The following BAIAP2L1 variants were observed in gnomAD, a reference collection of about 807,000 sequenced individuals.
BAIAP2L1 encodes the protein BAR/IMD domain containing adaptor protein 2 like 1.
A neutral mutation model predicts 66.3 loss-of-function variants in BAIAP2L1; 35 were observed. The observed-to-expected ratio is 0.53, with a 90% confidence interval of 0.40 to 0.70. The LOEUF (loss-of-function observed/expected upper bound fraction) is 0.70, where lower values mean the gene tolerates loss of function less well. Among genes scored for constraint, BAIAP2L1 ranks in the 30% least tolerant of loss-of-function variants. The pLI, the probability that BAIAP2L1 is intolerant of heterozygous loss-of-function variation, is 0.00. For synonymous variants in BAIAP2L1, 269 were observed against 248.7 expected (o/e 1.08, Z -0.77); for missense variants, 622 against 656.9 (o/e 0.95, Z 0.58).
rs554395266 is a variant in BAIAP2L1, at chr7:98,401,090, G to A, written c.-238C>T. 815 of 369,200 alleles carry A rather than the reference G, an allele frequency of 2.2e-3. 12 individuals are homozygous for A. The highest frequency in any genetic ancestry group is 0.016 in the African/African-American group (740 of 46,824). The allele number at this position is 369,200 out of a possible 1,614,324, so 22.9% of individuals were successfully genotyped here. On this transcript the variant is annotated 5_prime_UTR_variant, in exon 1 of 14. Transcript: ENST00000005260. ...GGAGAAGCGGCCGGACGCCGCCAGA[G>A]GAAGCTGGGCGGGCCGGGCGGCCCC...
intron 1 of BAIAP2L1, among the ~76,000 whole-genome samples, chr7:98,373,672 C>A (rs756467983): frequency 1.3e-5 from 2 of 152,346 alleles, no homozygotes; most frequent in Admixed American, 1.3e-4. Context: ...GAGTGCTTAT[C>A]ATGTACTCTG....
chr7:98,347,123 A>G (rs1184344042), intron 3 of BAIAP2L1, among the ~76,000 whole-genome samples: 2 of 152,212 alleles, frequency 1.3e-5, no homozygotes, highest in Non-Finnish European at 2.9e-5. Flanking sequence ...TTTGGCAAGG[A>G]GTATGGCAAT....
At chr7:98,325,633 G>A (rs763426090) in intron 3 of BAIAP2L1, among the ~76,000 whole-genome samples, 4 of 150,946 alleles carry the variant, frequency 2.6e-5, no homozygotes, top group South Asian at 4.2e-4. Flanking sequence ...AGCCAAGGTC[G>A]TGCTACTGCA....
intron 3 of BAIAP2L1, among the ~76,000 whole-genome samples, chr7:98,350,927 G>A (rs190248558): frequency 6.6e-6 from 1 of 152,180 alleles, no homozygotes; most frequent in Admixed American, 6.5e-5. Context: ...AGCGATCTTG[G>A]CTCACTGCAA....
chr7:98,294,256 G>T, intron 12 of BAIAP2L1, 145 bp from the exon 13 acceptor site: 1 of 768,696 alleles, frequency 1.3e-6, no homozygotes, highest in Non-Finnish European at 2.1e-6. Flanking sequence ...GCCTCCTAAT[G>T]TGCTGGGACT....
At chr7:98,363,255 G>C (rs1017777769) in intron 1 of BAIAP2L1, among the ~76,000 whole-genome samples, 3 of 151,742 alleles carry the variant, frequency 2.0e-5, no homozygotes, top group Non-Finnish European at 4.4e-5. Flanking sequence ...GGCTGGTCTC[G>C]AACTCCTGAC....
chr7:98,379,291 G>A (rs923779307), intron 1 of BAIAP2L1, among the ~76,000 whole-genome samples: 7 of 152,154 alleles, frequency 4.6e-5, no homozygotes, highest in Non-Finnish European at 1.0e-4. Context: ...TCTGACACCT[G>A]TATTTCATAA....
intron 1 of BAIAP2L1, among the ~76,000 whole-genome samples, chr7:98,389,560 A>T (rs1366054400): frequency 2.0e-5 from 3 of 151,964 alleles, no homozygotes; most frequent in African/African-American, 7.3e-5. Context: ...ACCTCAGGTG[A>T]TCCGCCCGTG....
intron 3 of BAIAP2L1, among the ~76,000 whole-genome samples, chr7:98,346,994 AAACAACAACAAC>A (rs71515213): frequency 6.2e-4 from 94 of 151,122 alleles, no homozygotes; most frequent in Non-Finnish European, 1.1e-3. Context: ...GATGCCAGCA[AAACAACAACAAC>A]AACAACAACA....
intron 1 of BAIAP2L1, among the ~76,000 whole-genome samples, chr7:98,379,934 T>G (rs574558755): frequency 2.0e-5 from 3 of 152,334 alleles, no homozygotes; most frequent in Non-Finnish European, 2.9e-5. Context: ...CAAATGGGGA[T>G]GAAGGATCTT....
chr7:98,323,511 T>A (rs542775251), intron 3 of BAIAP2L1: 1 of 152,372 alleles, frequency 6.6e-6, no homozygotes, highest in South Asian at 2.1e-4. Flanking sequence ...TTTCATGAAC[T>A]TTATTTCCAC....
intron 12 of BAIAP2L1, among the ~76,000 whole-genome samples, chr7:98,297,569 C>T (rs1218632508): frequency 6.6e-6 from 1 of 152,228 alleles, no homozygotes; most frequent in Non-Finnish European, 1.5e-5. Flanking sequence ...TCACTGACAC[C>T]TGTCTTCAGT....
chr7:98,321,313 T>G (rs558418590), intron 3 of BAIAP2L1, among the ~76,000 whole-genome samples: 2 of 152,230 alleles, frequency 1.3e-5, no homozygotes, highest in African/African-American at 4.8e-5. Context: ...CCCAGAGTAA[T>G]CTGATTATCT....
intron 1 of BAIAP2L1, among the ~76,000 whole-genome samples, chr7:98,363,378 G>A (rs372316219): frequency 1.3e-5 from 2 of 152,260 alleles, no homozygotes; most frequent in African/African-American, 4.8e-5. Context: ...CCAAAGTTGT[G>A]TGGAGTAACT....
Position 98,321,101 on chromosome 7 carries a change from C to T in BAIAP2L1, c.215-803G>A, listed in dbSNP as rs141880000. ...CTCGAACTCCTGACCTCAAGTGATC[C>T]GCACACCTCAGCCTCCCAAAGTGCT... On this transcript the variant is annotated intron_variant, in intron 3 of 13. Transcript: ENST00000005260. Among the ~76,000 whole-genome samples the T allele has an allele frequency of 7.3e-3, 1,114 of 152,186 alleles. 9 individuals carry two copies. Among genetic ancestry groups the T allele is most frequent in the African/African-American group, 0.026 (1,059 of 41,518 alleles).
chr7:98,385,127 G>T (rs1265066486), intron 1 of BAIAP2L1, among the ~76,000 whole-genome samples: 2 of 151,928 alleles, frequency 1.3e-5, no homozygotes, highest in African/African-American at 4.8e-5. Flanking sequence ...GGCCAACATG[G>T]TGAAACCCCA....
chr7:98,293,669 C>G, intron 13 of BAIAP2L1, 73 bp from the exon 14 acceptor site: 1 of 1,434,046 alleles, frequency 7.0e-7, no homozygotes. Context: ...GTGCTAATAA[C>G]CCGTTCTTGC....
At chr7:98,332,153 C>T (rs532231491) in intron 3 of BAIAP2L1, among the ~76,000 whole-genome samples, 72 of 149,566 alleles carry the variant, frequency 4.8e-4, no homozygotes, top group African/African-American at 1.3e-3. Flanking sequence ...GAGGCTGAGG[C>T]GGGTGGATCA....
At chr7:98,386,397 T>C in intron 1 of BAIAP2L1, 1 of 1,593,506 alleles carries the variant, frequency 6.3e-7, no homozygotes, top group Non-Finnish European at 8.5e-7. Flanking sequence ...CACACGACCC[T>C]TGAGACCATC....
Sources: allele counts gnomAD v4.1 joint callset (sites outside exome capture counted in the v4.1 genomes callset), GRCh38; gene constraint gnomAD v4.1.1; transcripts MANE v1.5; gene names NCBI Gene and HGNC (gene_info 2026-07-23, HGNC 2026-07-21).